Variants in C17orf78 observed in about 807,000 individuals in gnomAD.
The protein encoded by C17orf78 is uncharacterized protein C17orf78.
C17orf78 carries 27 observed loss-of-function variants against 31.8 expected under a neutral mutation model. The observed-to-expected ratio is 0.85, with a 90% CI of 0.63 to 1.17. The LOEUF is 1.17. Ranked by LOEUF, C17orf78 falls within the 50% of genes most tolerant of loss-of-function variation. C17orf78 has a pLI of 0.00. For missense variants in C17orf78, 258 were observed against 315.2 expected (o/e 0.82, Z 1.37); for synonymous variants, 106 against 115.1 (o/e 0.92, Z 0.51).
chr17:37,386,381 CA>C (rs2050530868), intron 4 of C17orf78, among the ~76,000 whole-genome samples: 1 of 152,034 alleles, frequency 6.6e-6, no homozygotes, highest in African/African-American at 2.4e-5. Context: ...CACCTGTGGT[CA>C]GGAGTTCAAG....
At chr17:37,379,412 C>A (rs1352328826) in intron 3 of C17orf78, 30 bp downstream of exon 3, 2 of 1,602,400 alleles carry the variant, frequency 1.2e-6, no homozygotes, top group Non-Finnish European at 1.7e-6. Context: ...AGGGGGCAGG[C>A]ACTAACTTTT....
intron 3 of C17orf78, among the ~76,000 whole-genome samples, chr17:37,380,329 G>A (rs1158088076): frequency 1.3e-5 from 2 of 151,056 alleles, no homozygotes; most frequent in East Asian, 3.9e-4. Flanking sequence ...AATGCTAGAT[G>A]ACGAGTTAGT....
At chr17:37,388,620 C>T in intron 4 of C17orf78, 50 bp from the exon 5 acceptor site, 2 of 1,574,584 alleles carry the variant, frequency 1.3e-6, no homozygotes, top group Non-Finnish European at 1.7e-6. Flanking sequence ...CAATCTCTTT[C>T]CTCTCTCAAA....
At chr17:37,376,792 T>C (rs901340566) in intron 1 of C17orf78, among the ~76,000 whole-genome samples, 1 of 152,082 alleles carries the variant, frequency 6.6e-6, no homozygotes, top group Non-Finnish European at 1.5e-5. Flanking sequence ...CCATCTCTAC[T>C]AAAAGTGCAA....
intron 6 of C17orf78, among the ~76,000 whole-genome samples, chr17:37,390,251 T>TA (rs1555672161): frequency 1.8e-3 from 58 of 32,934 alleles, no homozygotes; most frequent in African/African-American, 8.5e-3. Context: ...ATTATATATA[T>TA]ATTATATATA....
rs570759104 is a variant in C17orf78 at position 37,378,004 on chromosome 17, T to C, written c.145+39T>C. On this transcript the variant is annotated intron_variant, in intron 2 of 6. Transcript: ENST00000615133. The stretch of plus-strand genomic sequence containing the variant: ...CCTTTCTGGAAAATGATATTGCCAT[T>C]CCAAAAAATTTTTACCTTTAAAAGA... 3.4e-4 allele frequency: 533 copies of C among 1,579,056 alleles called. 5 individuals carry two copies. In the South Asian group the frequency reaches 5.5e-3, roughly 16 times the overall value.
Position 37,390,422 on chromosome 17 carries a change from A to AT in C17orf78, c.750+1062dup, listed in dbSNP as rs535545298. Reference sequence around the variant, plus strand: ...GGCAGGTGGATCACGAGGTCAAGAGATTGAGACCATCCTAGCCAAAATGGT... The same window carrying AT: ...GGCAGGTGGATCACGAGGTCAAGAGATTTGAGACCATCCTAGCCAAAATGGT... On this transcript the variant is annotated intron_variant, in intron 6 of 6. Coordinates refer to ENST00000615133, the MANE Select transcript of C17orf78 (RefSeq NM_173625.5). Among the ~76,000 whole-genome samples the AT allele has an allele frequency of 2.9e-5, 4 of 136,956 alleles. No individual in the cohort carries two copies. In the East Asian group the frequency reaches 8.8e-4, roughly 30 times the overall value. The allele number at this position is 136,956 out of a possible 152,430, so 89.8% of individuals were successfully genotyped here.
chr17:37,379,051 G>A, intron 2 of C17orf78, 86 bp from the exon 3 acceptor site: 1 of 1,444,812 alleles, frequency 6.9e-7, no homozygotes, highest in Admixed American at 2.4e-5. Context: ...CAGCTTGGGT[G>A]ACAGAGCAAG....
intron 6 of C17orf78, among the ~76,000 whole-genome samples, chr17:37,390,335 A>T (rs1485642529): frequency 3.3e-5 from 1 of 30,246 alleles, no homozygotes; most frequent in African/African-American, 1.7e-4. Flanking sequence ...TATATATATA[A>T]AAGGCCAGCT....
intron 4 of C17orf78, among the ~76,000 whole-genome samples, chr17:37,386,329 T>C (rs1157373688): frequency 6.6e-6 from 1 of 152,116 alleles, no homozygotes; most frequent in Non-Finnish European, 1.5e-5. Flanking sequence ...CTGTGGCTCA[T>C]GTCTGTAATC....
Position 37,381,090 on chromosome 17 carries a change from A to C in C17orf78, c.391+1708A>C, listed in dbSNP as rs1265779591. On this transcript the variant is annotated intron_variant, in intron 3 of 6. Coordinates refer to ENST00000615133, the MANE Select transcript of C17orf78 (RefSeq NM_173625.5). The stretch of plus-strand genomic sequence containing the variant: ...ACTCTAAGAATGTATGAATGTGCAT[A>C]TTTTAAAAACATAAATGGTAACATA... 2.6e-5 allele frequency among the ~76,000 whole-genome samples: 4 copies of C among 152,022 alleles called. No individual in the cohort carries two copies. In the South Asian group the frequency reaches 6.2e-4, roughly 24 times the overall value.
In C17orf78 at chr17:37,391,613, T is replaced by C. The variant is rs544163830; in HGVS notation, c.751-34T>C. 114 of 1,590,558 alleles carry C rather than the reference T, an allele frequency of 7.2e-5. No individual in the cohort carries two copies. The East Asian group carries it at 2.5e-3, about 34-fold the overall frequency. On this transcript the variant is annotated intron_variant, in intron 6 of 6. Coordinates refer to ENST00000615133, the MANE Select transcript of C17orf78 (RefSeq NM_173625.5). ...CATGAAGAACTATACACTTGCATCC[T>C]TTTTTAACTTTCATATTTCCTTTCA...
At chr17:37,383,543 C>T (rs563951732) in intron 3 of C17orf78, among the ~76,000 whole-genome samples, 2 of 152,136 alleles carry the variant, frequency 1.3e-5, no homozygotes, top group African/African-American at 4.8e-5. Flanking sequence ...ATGATGAATC[C>T]CAAAAAACCT....
At chr17:37,381,720 C>G (rs561944150) in intron 3 of C17orf78, among the ~76,000 whole-genome samples, 3 of 149,764 alleles carry the variant, frequency 2.0e-5, no homozygotes, top group Non-Finnish European at 4.4e-5. Context: ...CTCCGCCTCT[C>G]GGGTTCACGC....
intron 3 of C17orf78, among the ~76,000 whole-genome samples, chr17:37,381,982 A>G (rs1202293117): frequency 6.6e-6 from 1 of 152,120 alleles, no homozygotes; most frequent in Non-Finnish European, 1.5e-5. Context: ...GTCGTTTCCA[A>G]TCTTTTGCAA....
chr17:37,386,573 C>T (rs1192938518), intron 4 of C17orf78, among the ~76,000 whole-genome samples: 1 of 151,642 alleles, frequency 6.6e-6, no homozygotes, highest in African/African-American at 2.4e-5. Flanking sequence ...GCAGGGGCGA[C>T]AGAGTGAGAC....
intron 6 of C17orf78, among the ~76,000 whole-genome samples, chr17:37,390,139 A>AAT (rs1568094348): frequency 5.6e-5 from 1 of 17,880 alleles, no homozygotes; most frequent in Non-Finnish European, 8.2e-5. Flanking sequence ...TAAAAAAAAA[A>AAT]GTATATATAT....
chr17:37,382,834 T>G (rs2050361586), intron 3 of C17orf78, among the ~76,000 whole-genome samples: 1 of 152,070 alleles, frequency 6.6e-6, no homozygotes, highest in Non-Finnish European at 1.5e-5. Context: ...CACTCCAGCC[T>G]GGCGACAGAG....
chr17:37,389,423 G>A (rs767382344), intron 6 of C17orf78, 61 bp downstream of exon 6: 46 of 1,536,824 alleles, frequency 3.0e-5, no homozygotes, highest in Middle Eastern at 1.7e-4. Flanking sequence ...GGGGCCGGGC[G>A]TGGTGGCTCA....
Sources: allele counts gnomAD v4.1 joint callset (sites outside exome capture counted in the v4.1 genomes callset), GRCh38; gene constraint gnomAD v4.1.1; transcripts MANE v1.5; gene names NCBI Gene and HGNC (gene_info 2026-07-23, HGNC 2026-07-21).